Variants in LRFN2 observed in about 807,000 individuals in gnomAD.
The protein encoded by LRFN2 is leucine rich repeat and fibronectin type III domain containing 2, also known as leucine-rich repeat and fibronectin type-III domain-containing protein 2.
A neutral mutation model predicts 37.3 loss-of-function variants in LRFN2; 18 were observed. That is an observed-to-expected ratio of 0.48 (90% CI 0.33 to 0.72). The LOEUF is 0.72. LRFN2 is among the 30% of genes least tolerant of loss of function. The pLI is 0.02. For missense variants in LRFN2, 1,006 were observed against 1,060.7 expected (o/e 0.95, Z 0.72); for synonymous variants, 556 against 466.6 (o/e 1.19, Z -2.47).
intron 1 of LRFN2, among the ~76,000 whole-genome samples, chr6:40,541,529 G>A (rs747482039): frequency 3.9e-5 from 6 of 152,148 alleles, no homozygotes; most frequent in Non-Finnish European, 5.9e-5. Flanking sequence ...GACGGGGCGG[G>A]GGTAGAGGCA....
intron 1 of LRFN2, among the ~76,000 whole-genome samples, chr6:40,513,942 G>C (rs900459407): frequency 6.6e-6 from 1 of 152,072 alleles, no homozygotes; most frequent in Non-Finnish European, 1.5e-5. Context: ...ACCCTGGAGA[G>C]CTATCAGGAG....
chr6:40,474,896 G>A (rs1764677127), intron 1 of LRFN2, among the ~76,000 whole-genome samples: 1 of 152,142 alleles, frequency 6.6e-6, no homozygotes, highest in Non-Finnish European at 1.5e-5. Flanking sequence ...CACTCTTTTG[G>A]TTCCAGCTTC....
chr6:40,431,049 G>A (rs564757721), intron 2 of LRFN2, among the ~76,000 whole-genome samples: 5 of 152,020 alleles, frequency 3.3e-5, no homozygotes, highest in African/African-American at 1.2e-4. Context: ...CCTGAAGCAG[G>A]TTCCTGACTT....
At chr6:40,579,613 A>AACACAC (rs34819147) in intron 1 of LRFN2, among the ~76,000 whole-genome samples, 2,331 of 145,030 alleles carry the variant, frequency 0.016, 18 homozygotes, top group Middle Eastern at 0.028. Context: ...AACACACACA[A>AACACAC]ACACACACAC....
At chr6:40,582,676 C>T (rs1767425231) in intron 1 of LRFN2, among the ~76,000 whole-genome samples, 1 of 146,450 alleles carries the variant, frequency 6.8e-6, no homozygotes, top group Non-Finnish European at 1.5e-5. Flanking sequence ...CCCATACCTT[C>T]TATACAACCC....
chr6:40,538,431 A>T (rs1766492117), intron 1 of LRFN2, among the ~76,000 whole-genome samples: 1 of 152,174 alleles, frequency 6.6e-6, no homozygotes, highest in Admixed American at 6.5e-5. Context: ...CTGCACCCCA[A>T]CATGAATTAT....
chr6:40,406,099 C>A (rs1762839839), intron 2 of LRFN2, among the ~76,000 whole-genome samples: 1 of 152,144 alleles, frequency 6.6e-6, no homozygotes, highest in Non-Finnish European at 1.5e-5. Context: ...GGCACTGCAC[C>A]ACCGGGGTTC....
rs770148810 is a variant in LRFN2 at position 40,392,632 on chromosome 6, T to G, written c.1681A>C (p.Asn561His). 6.2e-7 allele frequency: 1 copy of G among 1,611,986 alleles called. No individual in the cohort carries two copies. Among genetic ancestry groups the G allele is most frequent in the East Asian group, 2.2e-5 (1 of 44,870 alleles). Residue 561 changes from asparagine (N) to histidine (H), a missense_variant, in exon 3 of 3, where the codon AAC becomes CAC. Around this residue, in one of 4 missense-constraint regions of LRFN2, gnomAD observed 398 missense variants for 327.6 expected, o/e 1.21. Transcript: ENST00000338305. This position sits in a 1 kb window ranked among gnomAD's most constrained non-coding sequence, Gnocchi z 4.7. ...VILMVRYKVC[N>H]HEAPSKMAAA... ...GCCATCTTGCTGGGGGCCTCGTGGT[T>G]GCAGACCTTGTAGCGCACCATGAGG...
At chr6:40,430,765 A>G (rs1483205928) in intron 2 of LRFN2, among the ~76,000 whole-genome samples, 1 of 152,192 alleles carries the variant, frequency 6.6e-6, no homozygotes, top group Admixed American at 6.5e-5. Context: ...ACTAAGGCCC[A>G]GGGGGTTCAG....
intron 1 of LRFN2, among the ~76,000 whole-genome samples, chr6:40,483,848 G>T (rs1296722506): frequency 1.3e-5 from 2 of 152,174 alleles, no homozygotes; most frequent in Non-Finnish European, 2.9e-5. Context: ...AGGAGCATCT[G>T]AATCCCTGAA....
intron 2 of LRFN2, 50 bp downstream of exon 2, chr6:40,431,664 C>T (rs1270704765): frequency 6.8e-7 from 1 of 1,470,024 alleles, no homozygotes. Flanking sequence ...ATCCCCTCCT[C>T]CTTCCCCAGC....
At chr6:40,553,888 G>A (rs562947045) in intron 1 of LRFN2, among the ~76,000 whole-genome samples, 16 of 152,160 alleles carry the variant, frequency 1.1e-4, no homozygotes, top group Non-Finnish European at 1.6e-4. Context: ...CACCTCTGGG[G>A]TCTTCTCTGC....
intron 1 of LRFN2, among the ~76,000 whole-genome samples, chr6:40,493,722 T>C (rs760197260): frequency 6.6e-6 from 1 of 152,230 alleles, no homozygotes; most frequent in Non-Finnish European, 1.5e-5. Flanking sequence ...ACTGATGTCT[T>C]GCTTGGACAG....
intron 1 of LRFN2, among the ~76,000 whole-genome samples, chr6:40,582,699 T>C (rs2473594): frequency 0.55 from 80,245 of 146,900 alleles, 22,663 homozygotes; most frequent in African/African-American, 0.68. Context: ...AGTTACAACG[T>C]AAGGAAATCA....
intron 1 of LRFN2, among the ~76,000 whole-genome samples, chr6:40,530,485 T>C (rs1006865530): frequency 6.6e-6 from 1 of 152,148 alleles, no homozygotes; most frequent in Non-Finnish European, 1.5e-5. Flanking sequence ...AAAATGACCA[T>C]GCTTGGCCTC....
chr6:40,518,338 A>G (rs189106787), intron 1 of LRFN2, among the ~76,000 whole-genome samples: 12 of 152,316 alleles, frequency 7.9e-5, no homozygotes, highest in Admixed American at 5.2e-4. Flanking sequence ...CAACACCTCT[A>G]TGAAATAAAT....
chr6:40,436,047 TA>T (rs1180734107), intron 1 of LRFN2, among the ~76,000 whole-genome samples: 1 of 152,132 alleles, frequency 6.6e-6, no homozygotes, highest in Non-Finnish European at 1.5e-5. Flanking sequence ...TTTAAAAAAG[TA>T]AAAAGAAACA....
intron 1 of LRFN2, among the ~76,000 whole-genome samples, chr6:40,437,558 G>A (rs1172587496): frequency 6.6e-6 from 1 of 152,162 alleles, no homozygotes; most frequent in Non-Finnish European, 1.5e-5. Flanking sequence ...TAATAGAGCT[G>A]GGTAAATATA....
intron 1 of LRFN2, among the ~76,000 whole-genome samples, chr6:40,447,322 C>A (rs577443419): frequency 1.1e-4 from 16 of 152,342 alleles, no homozygotes; most frequent in African/African-American, 3.8e-4. Context: ...ACATTAATTA[C>A]CTTTAAAGTT....
Sources: allele counts gnomAD v4.1 joint callset (sites outside exome capture counted in the v4.1 genomes callset), GRCh38; gene constraint gnomAD v4.1.1; regional missense constraint gnomAD v4.1.1; non-coding constraint Gnocchi (gnomAD v3.1); transcripts MANE v1.5; gene names NCBI Gene and HGNC (gene_info 2026-07-23, HGNC 2026-07-21).